MRM1: variants seen among roughly 807,000 people sequenced by gnomAD.
MRM1 encodes the protein mitochondrial rRNA methyltransferase 1.
Under a neutral mutation model 25.0 loss-of-function variants are expected in MRM1, and 24 were observed. That is an observed-to-expected ratio of 0.96 (90% CI 0.69 to 1.35). The LOEUF (loss-of-function observed/expected upper bound fraction) is 1.35, where lower values mean the gene tolerates loss of function less well. Ranked by LOEUF, MRM1 falls within the 40% of genes most tolerant of loss-of-function variation. The pLI, the probability that MRM1 is intolerant of heterozygous loss-of-function variation, is 0.00. For synonymous variants in MRM1, 188 were observed against 199.2 expected (o/e 0.94, Z 0.47); for missense variants, 431 against 464.1 (o/e 0.93, Z 0.65).
At chr17:36,603,406 T>C (rs1284964155) in intron 2 of MRM1, 5 of 172,446 alleles carry the variant, frequency 2.9e-5, no homozygotes, top group African/African-American at 1.2e-4. Flanking sequence ...TTATTATTAA[T>C]ATTATTAATT....
At chr17:36,632,607 C>CG in the MRM1 span, among the ~76,000 whole-genome samples, 3 of 152,138 alleles carry the variant, frequency 2.0e-5, no homozygotes. Flanking sequence ...TGCTCCCCCC[C>CG]ACTGCCATCT....
chr17:36,622,922 C>A, the MRM1 span, among the ~76,000 whole-genome samples: 30,912 of 152,134 alleles, frequency 0.2, 3,321 homozygotes, highest in Non-Finnish European at 0.22. Flanking sequence ...TAGGCCGAGC[C>A]TCTTCCCTCT....
downstream of MRM1, among the ~76,000 whole-genome samples, chr17:36,613,440 G>A (rs368096738): frequency 5.3e-4 from 81 of 152,260 alleles, no homozygotes; most frequent in African/African-American, 1.9e-3. Context: ...CTGCAGAGCC[G>A]CTCAGCCACT....
Position 36,602,940 on chromosome 17 carries a change from G to T in MRM1, c.636+294G>T. The T allele has an allele frequency of 1.0e-6, 1 of 985,432 alleles. No individual in the cohort carries two copies. Among genetic ancestry groups the T allele is most frequent in the Non-Finnish European group, 1.2e-6 (1 of 829,936 alleles). The allele number at this position is 985,432 out of a possible 1,614,324, so 61.0% of individuals were successfully genotyped here. ...TATTTGCCTACTAGGTCGGGCTTCAGTAAATGCATTTTGTTCAGCTGTGGG... is the reference window on the plus strand; with the variant it reads ...TATTTGCCTACTAGGTCGGGCTTCATTAAATGCATTTTGTTCAGCTGTGGG... On this transcript the variant is annotated intron_variant, in intron 2 of 4. Coordinates refer to ENST00000614766, the MANE Select transcript of MRM1 (RefSeq NM_024864.5). This position sits in a 1 kb window ranked among gnomAD's most constrained non-coding sequence, Gnocchi z 4.1.
At chr17:36,625,771 C>T in the MRM1 span, among the ~76,000 whole-genome samples, 4,185 of 152,132 alleles carry the variant, frequency 0.028, 86 homozygotes, top group South Asian at 0.069. Flanking sequence ...CCCTTTTGGG[C>T]TTCTTGAAGT....
chr17:36,620,871 G>C, the MRM1 span, among the ~76,000 whole-genome samples: 2 of 152,174 alleles, frequency 1.3e-5, no homozygotes, highest in Admixed American at 6.5e-5. Flanking sequence ...ACCTGGACTG[G>C]AAGAGAGGAA....
At chr17:36,625,985 GCC>G in the MRM1 span, among the ~76,000 whole-genome samples, 1 of 148,516 alleles carries the variant, frequency 6.7e-6, no homozygotes, top group Admixed American at 6.7e-5. Flanking sequence ...CTCCAGCCAT[GCC>G]CCCCCGCCGA....
At chr17:36,606,054 C>T (rs1308174923) in intron 2 of MRM1, among the ~76,000 whole-genome samples, 2 of 152,230 alleles carry the variant, frequency 1.3e-5, no homozygotes, top group African/African-American at 4.8e-5. Flanking sequence ...GTTCCTTCTT[C>T]TGTCTTGACG....
the MRM1 span, among the ~76,000 whole-genome samples, chr17:36,623,056 A>G: frequency 6.6e-6 from 1 of 152,192 alleles, no homozygotes; most frequent in Non-Finnish European, 1.5e-5. Flanking sequence ...GGCACGGGGT[A>G]TGTTCCCAGT....
chr17:36,623,664 G>A, the MRM1 span, among the ~76,000 whole-genome samples: 1 of 152,236 alleles, frequency 6.6e-6, no homozygotes, highest in South Asian at 2.1e-4. Flanking sequence ...CCCCTGCCCA[G>A]GTAGGGATGA....
Position 36,601,647 on chromosome 17 carries a change from T to G in MRM1, c.-164T>G. On this transcript the variant is annotated 5_prime_UTR_variant, in exon 1 of 5. Coordinates refer to ENST00000614766, the MANE Select transcript of MRM1 (RefSeq NM_024864.5). ...GGGTGGTCGTAGCTCGGTAGTCCAG[T>G]TGTGGGTAATCGGGGCTGTTTGTTC... The G allele has an allele frequency of 1.4e-6, 1 of 710,468 alleles. No homozygotes were observed. The highest frequency in any genetic ancestry group is 2.2e-6 in the Non-Finnish European group (1 of 461,150). 44.0% of individuals were successfully genotyped at this position (710,468 alleles called of 1,614,324 possible).
chr17:36,632,610 T>A, the MRM1 span, among the ~76,000 whole-genome samples: 2 of 151,664 alleles, frequency 1.3e-5, no homozygotes, highest in African/African-American at 2.4e-5. Context: ...TCCCCCCCAC[T>A]GCCATCTCCC....
At chr17:36,606,738 GC>G (rs1270287201) in intron 2 of MRM1, among the ~76,000 whole-genome samples, 1 of 151,488 alleles carries the variant, frequency 6.6e-6, no homozygotes, top group Non-Finnish European at 1.5e-5. Context: ...CTCCCAAATA[GC>G]TGGGACTACA....
chr17:36,602,427 GTGA>G lies in MRM1; in HGVS notation c.542+77_542+79del. ...AGTTCCTAAGCACCTTGGCCCTTGG[GTGA>G]TCCCTTAGCCAGACTTACCTGTCCC... On this transcript the variant is annotated intron_variant, in intron 1 of 4. Transcript: ENST00000614766. This position sits in a 1 kb window ranked among gnomAD's most constrained non-coding sequence, Gnocchi z 4.1. 6.4e-7 allele frequency: 1 copy of G among 1,564,740 alleles called. No homozygotes were observed.
chr17:36,603,026 CAAG>C lies in MRM1; in HGVS notation c.636+385_636+387del, dbSNP rs141070892. On this transcript the variant is annotated intron_variant, in intron 2 of 4. Coordinates refer to ENST00000614766, the MANE Select transcript of MRM1 (RefSeq NM_024864.5). ...GGCACAGCTTGAAAGGATGTTTGAA[CAAG>C]AAGATCTTTATGCCATTAGTATCTA... 3.5e-3 allele frequency: 3,476 copies of C among 985,346 alleles called. 94 individuals are homozygous for C. In the African/African-American group the frequency reaches 0.052, roughly 15 times the overall value. 61.0% of individuals were successfully genotyped at this position (985,346 alleles called of 1,614,324 possible). A position where few individuals can be genotyped will look rare whatever the true frequency, so the allele number is the denominator to read the frequency against.
chr17:36,631,658 T>C, the MRM1 span, among the ~76,000 whole-genome samples: 1 of 152,186 alleles, frequency 6.6e-6, no homozygotes, highest in Non-Finnish European at 1.5e-5. Context: ...AGCTGTCAGA[T>C]GGATGGATAT....
At chr17:36,604,754 C>T (rs934301289) in intron 2 of MRM1, among the ~76,000 whole-genome samples, 1 of 150,438 alleles carries the variant, frequency 6.6e-6, no homozygotes, top group African/African-American at 2.5e-5. Context: ...GGTAGTGAGC[C>T]GAGATTGTGC....
Position 36,602,099 on chromosome 17 carries a change from A to G in MRM1, c.289A>G (p.Ile97Val). ...ELLRMAEARDIPVLRPRRQKL... is the reference protein window; with the variant it reads ...ELLRMAEARDVPVLRPRRQKL... ...GCTCCGGATGGCCGAGGCGCGGGAC[A>G]TTCCAGTTCTGCGGCCCAGACGGCA... The change falls in exon 1 of 5, where the codon ATT (isoleucine) becomes GTT (valine). Residue 97 changes from isoleucine (I) to valine (V), a missense_variant. By Grantham distance (29) the Ile-to-Val change is conservative. Coordinates refer to ENST00000614766, the MANE Select transcript of MRM1 (RefSeq NM_024864.5). This position sits in a 1 kb window ranked among gnomAD's most constrained non-coding sequence, Gnocchi z 4.1. The G allele has an allele frequency of 6.2e-7, 1 of 1,611,492 alleles. No homozygotes were observed. The highest frequency in any genetic ancestry group is 8.5e-7 in the Non-Finnish European group (1 of 1,179,740).
the MRM1 span, among the ~76,000 whole-genome samples, chr17:36,618,993 C>T: frequency 3.3e-5 from 5 of 152,176 alleles, no homozygotes. Flanking sequence ...TGTGCAACAG[C>T]TCTGCAGAGC....
Sources: allele counts gnomAD v4.1 joint callset (sites outside exome capture counted in the v4.1 genomes callset), GRCh38; gene constraint gnomAD v4.1.1; non-coding constraint Gnocchi (gnomAD v3.1); transcripts MANE v1.5; gene names NCBI Gene and HGNC (gene_info 2026-07-23, HGNC 2026-07-21).